Variants in CARMIL1 observed in about 807,000 individuals in gnomAD.
CARMIL1 encodes F-actin-uncapping protein LRRC16A.
A neutral mutation model predicts 177.1 loss-of-function variants in CARMIL1; 90 were observed. The observed-to-expected ratio is 0.51, with a 90% CI of 0.43 to 0.61. CARMIL1 has a LOEUF of 0.61. CARMIL1 is among the 20% of genes least tolerant of loss of function. CARMIL1 has a pLI of 0.00. For synonymous variants in CARMIL1, 577 were observed against 606.2 expected (o/e 0.95, Z 0.71); for missense variants, 1,380 against 1,667.0 (o/e 0.83, Z 3.00).
intron 5 of CARMIL1, among the ~76,000 whole-genome samples, chr6:25,444,030 C>T (rs144975945): frequency 0.011 from 1,720 of 152,066 alleles, 20 homozygotes; most frequent in African/African-American, 0.034. Context: ...CTCGAACTCC[C>T]GACCTCAGGT....
chr6:25,526,554 CTT>C (rs1168586740), intron 23 of CARMIL1, among the ~76,000 whole-genome samples: 1 of 145,172 alleles, frequency 6.9e-6, no homozygotes, highest in Non-Finnish European at 1.5e-5. Context: ...CTCTTCTGTT[CTT>C]TTTTTTTTTC....
At chr6:25,390,888 G>T (rs1792748512) in intron 2 of CARMIL1, among the ~76,000 whole-genome samples, 1 of 152,142 alleles carries the variant, frequency 6.6e-6, no homozygotes, top group Non-Finnish European at 1.5e-5. Context: ...TTTTAGTAGA[G>T]ATGGGGTTTC....
At chr6:25,452,001 C>CCCCCCCACA (rs1798999686) in intron 8 of CARMIL1, 1 of 232,096 alleles carries the variant, frequency 4.3e-6, no homozygotes. Flanking sequence ...CCCCTCCCCC[C>CCCCCCCACA]CCCAGAATAC....
intron 31 of CARMIL1, among the ~76,000 whole-genome samples, chr6:25,582,843 T>TA (rs1813255063): frequency 6.6e-6 from 1 of 152,240 alleles, no homozygotes; most frequent in South Asian, 2.1e-4. Flanking sequence ...TTTTAGGACT[T>TA]ACCTTTGTGT....
chr6:25,473,786 A>G (rs954098575), intron 11 of CARMIL1, among the ~76,000 whole-genome samples: 20 of 152,226 alleles, frequency 1.3e-4, no homozygotes, highest in Non-Finnish European at 1.3e-4. Context: ...CTTGGGGACT[A>G]TCTTAGAATT....
intron 11 of CARMIL1, among the ~76,000 whole-genome samples, chr6:25,480,804 T>TCCTCCTC (rs1802048745): frequency 7.0e-6 from 1 of 143,516 alleles, no homozygotes; most frequent in African/African-American, 2.6e-5. Flanking sequence ...CACTGCAATC[T>TCCTCCTC]CCACCTCCTG....
intron 12 of CARMIL1, among the ~76,000 whole-genome samples, chr6:25,482,712 G>A (rs1457207676): frequency 1.3e-5 from 2 of 152,158 alleles, no homozygotes; most frequent in African/African-American, 4.8e-5. Flanking sequence ...TAGACTGTCT[G>A]CTTTACAGAA....
chr6:25,312,891 T>A (rs1309511223), intron 2 of CARMIL1, among the ~76,000 whole-genome samples: 1 of 149,162 alleles, frequency 6.7e-6, no homozygotes, highest in Non-Finnish European at 1.5e-5. Flanking sequence ...AAAATTTCCT[T>A]TGCATGACTC....
chr6:25,460,288 A>G (rs781647524), intron 8 of CARMIL1, among the ~76,000 whole-genome samples: 2 of 152,044 alleles, frequency 1.3e-5, no homozygotes, highest in Non-Finnish European at 2.9e-5. Context: ...AGGAAAATGA[A>G]CTCTCAGAAA....
In CARMIL1 at chr6:25,550,864, G is replaced by A. The variant is rs181731389; in HGVS notation, c.2329-46G>A. 346 of 1,536,018 alleles carry A rather than the reference G, an allele frequency of 2.3e-4. 4 individuals carry two copies. The South Asian group carries it at 4.0e-3, about 18-fold the overall frequency. On this transcript the variant is annotated intron_variant, in intron 26 of 36. Transcript: ENST00000329474. The stretch of plus-strand genomic sequence containing the variant: ...CTTTCAGTTTTATGGCGGGCACCTC[G>A]GGTGCAGTGTCATCATCTCTTCCCT...
chr6:25,609,611 TATGC>T (rs1382222532), intron 35 of CARMIL1, among the ~76,000 whole-genome samples: 1 of 152,154 alleles, frequency 6.6e-6, no homozygotes, highest in Non-Finnish European at 1.5e-5. Flanking sequence ...GACCTACATA[TATGC>T]ATGCATGCAT....
intron 2 of CARMIL1, among the ~76,000 whole-genome samples, chr6:25,339,857 G>C (rs2150318142): frequency 6.6e-6 from 1 of 152,186 alleles, no homozygotes. Flanking sequence ...AGATTAATGA[G>C]GTGTAATATA....
chr6:25,340,029 C>A (rs1321806574), intron 2 of CARMIL1, among the ~76,000 whole-genome samples: 1 of 152,188 alleles, frequency 6.6e-6, no homozygotes, highest in Non-Finnish European at 1.5e-5. Context: ...AAGAAATAAT[C>A]GATTTTGTAA....
chr6:25,497,932 A>G (rs1803902975), intron 16 of CARMIL1, among the ~76,000 whole-genome samples: 1 of 152,096 alleles, frequency 6.6e-6, no homozygotes, highest in Non-Finnish European at 1.5e-5. Flanking sequence ...ATGTTAATGT[A>G]TTTCAAGGGG....
rs577390130 is a variant in CARMIL1, at chr6:25,435,561, A to G, written c.328A>G (p.Ile110Val). The G allele has an allele frequency of 5.1e-6, 8 of 1,565,022 alleles. No homozygotes were observed. The highest frequency in any genetic ancestry group is 3.5e-5 in the South Asian group (3 of 84,708). The change falls in exon 5 of 37, where the codon ATA becomes GTA. Residue 110 changes from isoleucine (I) to valine (V), a missense_variant. Coordinates refer to ENST00000329474, the MANE Select transcript of CARMIL1 (RefSeq NM_017640.6). ...PEDVSEVLAH[I>V]GTCLRKIFPG... ...GGACGTGAGTGAGGTGCTGGCTCAC[A>G]TAGGCACCTGCCTGAGGAAGATATT... is the stretch of plus-strand genomic sequence containing the variant.
At chr6:25,332,682 A>G (rs12207748) in intron 2 of CARMIL1, among the ~76,000 whole-genome samples, 20,358 of 151,564 alleles carry the variant, frequency 0.13, 1,419 homozygotes, top group Middle Eastern at 0.19. Context: ...TTAGTTTTCC[A>G]GAGCTCAGGG....
intron 30 of CARMIL1, 118 bp from the exon 31 acceptor site, chr6:25,581,125 A>G: frequency 1.6e-6 from 2 of 1,262,234 alleles, no homozygotes; most frequent in South Asian, 2.7e-5. Context: ...GTGATCTGTG[A>G]ATGTGTGTTT....
chr6:25,505,713 A>G (rs1355850671), intron 17 of CARMIL1, among the ~76,000 whole-genome samples: 1 of 152,150 alleles, frequency 6.6e-6, no homozygotes, highest in Non-Finnish European at 1.5e-5. Flanking sequence ...TCGGCCTCTC[A>G]AAGTGCTGGG....
chr6:25,520,406 T>C (rs1243226106), intron 23 of CARMIL1, 69 bp downstream of exon 23: 2 of 841,088 alleles, frequency 2.4e-6, no homozygotes, highest in African/African-American at 3.5e-5. Flanking sequence ...CCTGAACTTA[T>C]AAACAATACT....
Sources: allele counts gnomAD v4.1 joint callset (sites outside exome capture counted in the v4.1 genomes callset), GRCh38; gene constraint gnomAD v4.1.1; transcripts MANE v1.5; gene names NCBI Gene and HGNC (gene_info 2026-07-23, HGNC 2026-07-21).